SPOCK3: variants seen among roughly 807,000 people sequenced by gnomAD.
SPOCK3 encodes the protein SPARC (osteonectin), cwcv and kazal like domains proteoglycan 3, also known as testican-3.
Under a neutral mutation model 56.6 loss-of-function variants are expected in SPOCK3, and 30 were observed. The observed-to-expected ratio is 0.53, with a 90% CI of 0.40 to 0.72. The LOEUF (loss-of-function observed/expected upper bound fraction) is 0.72, where lower values mean the gene tolerates loss of function less well. SPOCK3 is among the 30% of genes least tolerant of loss of function. SPOCK3 has a pLI of 0.00. For missense variants in SPOCK3, 527 were observed against 530.0 expected (o/e 0.99, Z 0.06); for synonymous variants, 196 against 183.3 (o/e 1.07, Z -0.56).
chr4:167,184,335 C>T (rs1034089781), intron 2 of SPOCK3, among the ~76,000 whole-genome samples: 10 of 152,138 alleles, frequency 6.6e-5, no homozygotes, highest in Non-Finnish European at 5.9e-5. Flanking sequence ...ATAGCATGGA[C>T]ACTTGGTTAT....
chr4:167,038,801 T>C (rs1408576292), intron 3 of SPOCK3, among the ~76,000 whole-genome samples: 1 of 152,102 alleles, frequency 6.6e-6, no homozygotes, highest in African/African-American at 2.4e-5. Context: ...TTACAATTAA[T>C]ATATACTGTT....
At position 166,845,009 on chromosome 4, in the gene SPOCK3, G is replaced by A. The variant is rs186110265; in HGVS notation, c.589+44121C>T. Among the ~76,000 whole-genome samples, 645 of 152,250 alleles carry A rather than the reference G, an allele frequency of 4.2e-3. 7 individuals are homozygous for A. Among genetic ancestry groups the A allele is most frequent in the African/African-American group, 0.014 (592 of 41,550 alleles). ...TACAAATGCATGTGCTGTTATCAAA[G>A]GTAAAAGATTTGTTAATAGGTGTAA... On this transcript the variant is annotated intron_variant, in intron 6 of 10. Transcript: ENST00000357545.
intron 6 of SPOCK3, among the ~76,000 whole-genome samples, chr4:166,880,713 C>A (rs533392701): frequency 4.9e-4 from 75 of 152,084 alleles, no homozygotes; most frequent in Non-Finnish European, 9.0e-4. Flanking sequence ...TAAAGTCAAT[C>A]GACAAGGCAT....
At chr4:167,222,974 GAA>G (rs1157160429) in intron 2 of SPOCK3, among the ~76,000 whole-genome samples, 1 of 120,954 alleles carries the variant, frequency 8.3e-6, no homozygotes, top group Non-Finnish European at 1.6e-5. Context: ...TATTTTATAT[GAA>G]TATATATTAT....
At chr4:166,756,180 G>C (rs1418901827) in intron 7 of SPOCK3, among the ~76,000 whole-genome samples, 1 of 24,240 alleles carries the variant, frequency 4.1e-5, no homozygotes, top group Non-Finnish European at 8.7e-5. Context: ...TTTTCAGACC[G>C]GCTTAAGAAA....
chr4:166,911,590 T>A (rs1474350792), intron 5 of SPOCK3, among the ~76,000 whole-genome samples: 2 of 152,156 alleles, frequency 1.3e-5, no homozygotes, highest in Non-Finnish European at 2.9e-5. Context: ...CAGGCTGGAG[T>A]ACAATGGCGC....
At chr4:167,016,576 C>T (rs907079037) in intron 3 of SPOCK3, among the ~76,000 whole-genome samples, 16 of 150,560 alleles carry the variant, frequency 1.1e-4, no homozygotes, top group African/African-American at 3.9e-4. Context: ...TGGTCTTGCT[C>T]TGTCACCAGG....
intron 4 of SPOCK3, among the ~76,000 whole-genome samples, chr4:166,957,727 A>G (rs1415938721): frequency 3.3e-5 from 5 of 152,204 alleles, no homozygotes; most frequent in African/African-American, 9.7e-5. Context: ...TTTAATGACT[A>G]ACCTGCGGTG....
chr4:167,012,337 T>G (rs1360162434), intron 3 of SPOCK3, among the ~76,000 whole-genome samples: 1 of 151,958 alleles, frequency 6.6e-6, no homozygotes, highest in Non-Finnish European at 1.5e-5. Context: ...AAAAATTCAG[T>G]TTTCCTTCCT....
intron 2 of SPOCK3, among the ~76,000 whole-genome samples, chr4:167,211,179 G>T (rs1046152723): frequency 1.3e-5 from 2 of 152,080 alleles, no homozygotes; most frequent in Non-Finnish European, 2.9e-5. Flanking sequence ...ACTTGCGTGC[G>T]GCCTGTAGCC....
chr4:167,134,022 CTTTTTTTTTTTT>C (rs34410893), intron 2 of SPOCK3, among the ~76,000 whole-genome samples: 2 of 80,560 alleles, frequency 2.5e-5, no homozygotes, highest in African/African-American at 9.7e-5. Context: ...ACACCTTTTT[CTTTTTTTTTTTT>C]TTTTTTTTTT....
intron 2 of SPOCK3, among the ~76,000 whole-genome samples, chr4:167,079,543 A>G (rs1293832734): frequency 6.6e-6 from 1 of 151,982 alleles, no homozygotes; most frequent in African/African-American, 2.4e-5. Context: ...ATGTTCATGG[A>G]ACATGGTGAA....
rs779420410 is a variant in SPOCK3, at chr4:167,234,084, C to T, written c.90G>A (p.Gly30=). The T allele has an allele frequency of 1.3e-4, 213 of 1,613,816 alleles. No homozygotes were observed. The highest frequency in any genetic ancestry group is 1.8e-4 in the Non-Finnish European group (208 of 1,179,996). The change falls in exon 2 of 11, where the codon GGG becomes GGA. Residue 30 remains glycine, a synonymous_variant. Coordinates refer to ENST00000357545, the MANE Select transcript of SPOCK3 (RefSeq NM_001040159.2). ...LAAAAAVAAA[G]GRSDGGNFLD... is the part of the protein sequence containing the mutation. Reference sequence around the variant, plus strand: ...GAAAATTACCGCCGTCCGACCGCCCCCCGGCTGCAGCCACCGCCGCGGCAG... The same window carrying T: ...GAAAATTACCGCCGTCCGACCGCCCTCCGGCTGCAGCCACCGCCGCGGCAG...
At chr4:166,852,120 G>A (rs1730179561) in intron 6 of SPOCK3, among the ~76,000 whole-genome samples, 1 of 151,728 alleles carries the variant, frequency 6.6e-6, no homozygotes, top group Admixed American at 6.6e-5. Flanking sequence ...ACACAGGAAG[G>A]GGAACATCAC....
At chr4:167,080,788 C>T (rs1326171118) in intron 2 of SPOCK3, among the ~76,000 whole-genome samples, 1 of 151,828 alleles carries the variant, frequency 6.6e-6, no homozygotes, top group Non-Finnish European at 1.5e-5. Flanking sequence ...GGCACACCCA[C>T]CACAAGTCAA....
chr4:166,748,125 GA>G (rs1735892093), intron 8 of SPOCK3, among the ~76,000 whole-genome samples: 1 of 149,068 alleles, frequency 6.7e-6, no homozygotes, highest in African/African-American at 2.5e-5. Context: ...CATAGAATTG[GA>G]AAAAACTACT....
At chr4:166,981,280 G>A (rs1579887486) in intron 4 of SPOCK3, among the ~76,000 whole-genome samples, 2 of 152,024 alleles carry the variant, frequency 1.3e-5, no homozygotes, top group South Asian at 4.2e-4. Flanking sequence ...GTAGCCCTCA[G>A]CAGAGAGGAG....
At chr4:167,131,395 T>C (rs934580720) in intron 2 of SPOCK3, among the ~76,000 whole-genome samples, 1 of 152,088 alleles carries the variant, frequency 6.6e-6, no homozygotes, top group Non-Finnish European at 1.5e-5. Context: ...AAGACCAGCC[T>C]GGCCAACATG....
At chr4:166,863,768 C>A (rs563122402) in intron 6 of SPOCK3, among the ~76,000 whole-genome samples, 100 of 152,184 alleles carry the variant, frequency 6.6e-4, no homozygotes, top group African/African-American at 2.4e-3. Flanking sequence ...AATACAGGAG[C>A]ACTCAGATTC....
Sources: allele counts gnomAD v4.1 joint callset (sites outside exome capture counted in the v4.1 genomes callset), GRCh38; gene constraint gnomAD v4.1.1; transcripts MANE v1.5; gene names NCBI Gene and HGNC (gene_info 2026-07-23, HGNC 2026-07-21).